Variants in TTC7B observed in about 807,000 individuals in gnomAD.
TTC7B encodes tetratricopeptide repeat domain 7B, also known as tetratricopeptide repeat protein 7B.
A neutral mutation model predicts 106.8 loss-of-function variants in TTC7B; 28 were observed. That is an observed-to-expected ratio of 0.26 (90% CI 0.19 to 0.36). TTC7B has a LOEUF of 0.36. TTC7B is among the 10% of genes least tolerant of loss of function. The probability of loss-of-function intolerance (pLI) is 1.00; values close to 1 mark genes in which losing one functional copy is unlikely to be tolerated. For synonymous variants in TTC7B, 405 were observed against 430.6 expected (o/e 0.94, Z 0.74); for missense variants, 862 against 1,076.4 (o/e 0.80, Z 2.79).
chr14:90,670,271 A>C (rs1378669108), intron 9 of TTC7B, among the ~76,000 whole-genome samples: 3 of 152,234 alleles, frequency 2.0e-5, no homozygotes, highest in Non-Finnish European at 4.4e-5. Context: ...GTATTGCCTG[A>C]TTCCTTTTAT....
At chr14:90,691,351 C>T (rs1382126996) in intron 6 of TTC7B, among the ~76,000 whole-genome samples, 28 of 151,894 alleles carry the variant, frequency 1.8e-4, no homozygotes, top group Admixed American at 1.6e-3. Flanking sequence ...ATTTTTTAAA[C>T]GTGGGGTTTT....
At position 90,744,866 on chromosome 14, in the gene TTC7B, G is replaced by A. The variant is rs532159680; in HGVS notation, c.502C>T (p.Arg168Trp). ...TAACAGGTGATGACATCCTGTTCCC[G>A]GTCCACATGGAGATTACTGGTAGAA... ...SSSTSNLHVD[R>W]EQDVITCYEK... is the part of the protein sequence containing the mutation. The change falls in exon 4 of 20, where the codon CGG becomes TGG. Residue 168 changes from arginine (R) to tryptophan (W), a missense_variant. Arg to Trp is a moderately radical substitution (Grantham distance 101). Coordinates refer to ENST00000328459, the MANE Select transcript of TTC7B (RefSeq NM_001010854.2). The A allele has an allele frequency of 1.4e-5, 22 of 1,613,768 alleles. No individual in the cohort carries two copies. In the East Asian group the frequency reaches 2.2e-4, roughly 16 times the overall value.
intron 15 of TTC7B, among the ~76,000 whole-genome samples, chr14:90,633,320 A>G (rs1271512493): frequency 6.6e-6 from 1 of 152,210 alleles, no homozygotes; most frequent in African/African-American, 2.4e-5. Context: ...TTAAATAGGA[A>G]ACAATAAAAA....
intron 5 of TTC7B, 74 bp from the exon 6 acceptor site, chr14:90,695,652 T>A (rs910050432): frequency 1.0e-6 from 1 of 963,176 alleles, no homozygotes; most frequent in Non-Finnish European, 1.5e-6. Flanking sequence ...CACGTTTCAA[T>A]GCATTTTGTC....
At chr14:90,716,095 G>A (rs1420888169) in intron 5 of TTC7B, among the ~76,000 whole-genome samples, 1 of 152,214 alleles carries the variant, frequency 6.6e-6, no homozygotes, top group African/African-American at 2.4e-5. Flanking sequence ...GTCTTGCAGT[G>A]GGAGGGAAGG....
At chr14:90,656,102 G>C (rs1277742343) in intron 11 of TTC7B, among the ~76,000 whole-genome samples, 1 of 152,170 alleles carries the variant, frequency 6.6e-6, no homozygotes, top group Non-Finnish European at 1.5e-5. Flanking sequence ...TCACAGCTGT[G>C]TGTTTCAGGT....
intron 17 of TTC7B, among the ~76,000 whole-genome samples, chr14:90,599,742 A>G (rs1165799029): frequency 6.6e-6 from 1 of 152,242 alleles, no homozygotes; most frequent in East Asian, 1.9e-4. Context: ...ACCTGCTGCT[A>G]ATGAATTTCT....
intron 19 of TTC7B, among the ~76,000 whole-genome samples, chr14:90,576,874 A>G (rs1891279350): frequency 6.6e-6 from 1 of 152,216 alleles, no homozygotes; most frequent in Admixed American, 6.5e-5. Flanking sequence ...TTTACTTATT[A>G]GTTACAAAAC....
intron 9 of TTC7B, among the ~76,000 whole-genome samples, chr14:90,667,157 G>T (rs1886442521): frequency 6.6e-6 from 1 of 152,232 alleles, no homozygotes; most frequent in Non-Finnish European, 1.5e-5. Flanking sequence ...ACTAAGGGAG[G>T]AAGTAAGGAG....
chr14:90,527,059 A>C lies in TTC7B; in HGVS notation c.*14309T>G, dbSNP rs1401632422. ...GGGGTATTGGTCAGGTATTTTGTAG[A>C]AAGTTCATCGGTTTGGGTTTGTCTG... On this transcript the variant is annotated 3_prime_UTR_variant, in exon 20 of 20. Transcript: ENST00000328459. 1 of 151,812 alleles carries C rather than the reference A, an allele frequency of 6.6e-6. No homozygotes were observed. The highest frequency in any genetic ancestry group is 2.4e-5 in the African/African-American group (1 of 41,274). The allele number at this position is 151,812 out of a possible 1,614,324, so 9.4% of individuals were successfully genotyped here.
At chr14:90,772,963 A>C (rs1890912667) in intron 3 of TTC7B, 1 of 152,236 alleles carries the variant, frequency 6.6e-6, no homozygotes, top group Admixed American at 6.5e-5. Context: ...AAAGTAAATA[A>C]ATAATAAATT....
At chr14:90,611,026 G>A (rs967716673) in intron 16 of TTC7B, among the ~76,000 whole-genome samples, 187 bp from the exon 17 acceptor site, 6 of 152,120 alleles carry the variant, frequency 3.9e-5, no homozygotes, top group African/African-American at 7.2e-5. Flanking sequence ...TCCTTTCAGT[G>A]TTCACTATCA....
At chr14:90,799,989 C>T (rs959726202) in intron 1 of TTC7B, among the ~76,000 whole-genome samples, 9 of 152,032 alleles carry the variant, frequency 5.9e-5, no homozygotes, top group African/African-American at 1.2e-4. Flanking sequence ...CCCGCCACCA[C>T]GCCCAGCTAA....
chr14:90,603,932 GA>G (rs1174148725), intron 17 of TTC7B, among the ~76,000 whole-genome samples: 1 of 152,184 alleles, frequency 6.6e-6, no homozygotes, highest in Non-Finnish European at 1.5e-5. Context: ...CCTGAGGATG[GA>G]AAGATGACTT....
intron 9 of TTC7B, among the ~76,000 whole-genome samples, chr14:90,659,213 T>TGTGTGTGTGTGTGTG (rs1566822930): frequency 3.6e-4 from 53 of 146,710 alleles, no homozygotes; most frequent in African/African-American, 1.1e-3. Context: ...ACGAGTGTGA[T>TGTGTGTGTGTGTGTG]TGTGTGTGTG....
chr14:90,593,601 T>C lies in TTC7B; in HGVS notation c.1992A>G (p.Ala664=), dbSNP rs1892065263. The change falls in exon 18 of 20, where the codon GCA becomes GCG. Residue 664 remains alanine (A), a synonymous_variant. Coordinates refer to ENST00000328459, the MANE Select transcript of TTC7B (RefSeq NM_001010854.2). ...ETGSVHATSV[A]ASRVEQALSE... is the part of the protein sequence containing the mutation. ...ACAGTGCCTGCTCCACTCTTGAGGC[T>C]GCTACCGATGTGGCATGGACGGAGC... 1.2e-6 allele frequency: 2 copies of C among 1,610,848 alleles called. No homozygotes were observed.
At chr14:90,620,492 C>T (rs1893264976) in intron 15 of TTC7B, among the ~76,000 whole-genome samples, 1 of 152,174 alleles carries the variant, frequency 6.6e-6, no homozygotes, top group South Asian at 2.1e-4. Context: ...GAAGGAGAAG[C>T]TGCCAAACAG....
At chr14:90,655,480 A>C (rs1885909250) in intron 11 of TTC7B, among the ~76,000 whole-genome samples, 1 of 152,204 alleles carries the variant, frequency 6.6e-6, no homozygotes, top group South Asian at 2.1e-4. Flanking sequence ...AGTTCTTGAA[A>C]TGTTTTATGT....
At chr14:90,798,732 A>AAC (rs869302614) in intron 1 of TTC7B, among the ~76,000 whole-genome samples, 10 of 147,006 alleles carry the variant, frequency 6.8e-5, no homozygotes, top group Non-Finnish European at 1.1e-4. Flanking sequence ...AAAAAAAAAA[A>AAC]CACGCAATAA....
Sources: allele counts gnomAD v4.1 joint callset (sites outside exome capture counted in the v4.1 genomes callset), GRCh38; gene constraint gnomAD v4.1.1; transcripts MANE v1.5; gene names NCBI Gene and HGNC (gene_info 2026-07-23, HGNC 2026-07-21).